SLC38A6: variants seen among roughly 807,000 people sequenced by gnomAD.
The protein encoded by SLC38A6 is N system amino acid transporter NAT-1.
A neutral mutation model predicts 65.0 loss-of-function variants in SLC38A6; 73 were observed. That is an observed-to-expected ratio of 1.12 (90% CI 0.93 to 1.37). The LOEUF (loss-of-function observed/expected upper bound fraction) is 1.37. SLC38A6 is among the 40% of genes most tolerant of loss of function. The pLI, the probability that SLC38A6 is intolerant of heterozygous loss-of-function variation, is 0.00. For missense variants in SLC38A6, 561 were observed against 531.1 expected, an observed-to-expected ratio of 1.06 and a Z score of -0.55; for synonymous variants, 183 against 178.8, an observed-to-expected ratio of 1.02 and a Z score of -0.19.
downstream of SLC38A6, among the ~76,000 whole-genome samples, chr14:61,053,349 T>C (rs1179124835): frequency 6.6e-6 from 1 of 152,110 alleles, no homozygotes; most frequent in Non-Finnish European, 1.5e-5. Flanking sequence ...ACAGTGAACA[T>C]TTACGTGCAT....
chr14:61,034,051 C>G (rs1017699423), intron 6 of SLC38A6: 3 of 152,116 alleles, frequency 2.0e-5, no homozygotes, highest in Non-Finnish European at 4.4e-5. Flanking sequence ...GCCAGATGAT[C>G]TCTAAGGTCT....
chr14:61,014,771 G>C lies in SLC38A6; in HGVS notation c.311-1133G>C, dbSNP rs113276091. On this transcript the variant is annotated intron_variant, in intron 3 of 15. Transcript: ENST00000267488. ...TTTTGTCTCAGAGGAGTACCCGGCC[G>C]TGTGAGGTGTCAGTCTGCCCCTACA... Among the ~76,000 whole-genome samples the C allele has an allele frequency of 5.3e-5, 8 of 152,310 alleles. No individual in the cohort carries two copies. The East Asian group carries it at 1.2e-3, about 22-fold the overall frequency.
At chr14:61,006,886 C>CGGCACTA (rs1274158308) in intron 3 of SLC38A6, among the ~76,000 whole-genome samples, 21 of 151,922 alleles carry the variant, frequency 1.4e-4, no homozygotes, top group African/African-American at 4.4e-4. Context: ...ATGTTTATTG[C>CGGCACTA]GGCACTATTC....
At chr14:61,014,328 A>G (rs1291403213) in intron 3 of SLC38A6, among the ~76,000 whole-genome samples, 1 of 151,944 alleles carries the variant, frequency 6.6e-6, no homozygotes, top group Non-Finnish European at 1.5e-5. Flanking sequence ...CATGGGTTCG[A>G]ACTTCCTCCT....
At chr14:61,019,517 C>G (rs1171667252) in intron 4 of SLC38A6, 24 bp from the exon 5 acceptor site, 1 of 1,610,978 alleles carries the variant, frequency 6.2e-7, no homozygotes, top group African/African-American at 1.3e-5. Flanking sequence ...CTTCTATCTT[C>G]TGAATATTTC....
At chr14:60,995,038 A>C (rs1422909402) in intron 3 of SLC38A6, among the ~76,000 whole-genome samples, 10 of 149,518 alleles carry the variant, frequency 6.7e-5, no homozygotes, top group African/African-American at 2.2e-4. Context: ...AGAAGAAATG[A>C]GGCATCAAGC....
intron 3 of SLC38A6, among the ~76,000 whole-genome samples, chr14:61,013,788 C>G (rs2039771657): frequency 6.6e-6 from 1 of 152,110 alleles, no homozygotes; most frequent in Non-Finnish European, 1.5e-5. Context: ...TTGTGGGTAA[C>G]CCGACTTTCT....
intron 3 of SLC38A6, among the ~76,000 whole-genome samples, chr14:60,999,154 G>A (rs984708117): frequency 6.6e-6 from 1 of 152,192 alleles, no homozygotes; most frequent in South Asian, 2.1e-4. Context: ...TTTTGCTGAA[G>A]CAGTGAGAAG....
chr14:61,076,647 T>C (rs2043430160), intron 15 of SLC38A6, among the ~76,000 whole-genome samples: 1 of 152,240 alleles, frequency 6.6e-6, no homozygotes, highest in Non-Finnish European at 1.5e-5. Flanking sequence ...AGCAGATACA[T>C]AGTCAATATT....
At chr14:61,061,723 G>A (rs930887932) in intron 15 of SLC38A6, among the ~76,000 whole-genome samples, 1 of 152,230 alleles carries the variant, frequency 6.6e-6, no homozygotes, top group Non-Finnish European at 1.5e-5. Context: ...TTGTATGGAT[G>A]TACCACAGTT....
At chr14:61,008,487 G>GAGCC in intron 3 of SLC38A6, among the ~76,000 whole-genome samples, 1 of 152,214 alleles carries the variant, frequency 6.6e-6, no homozygotes, top group East Asian at 1.9e-4. Flanking sequence ...GAGAAATGAT[G>GAGCC]AGCCATATCT....
Position 61,045,328 on chromosome 14 carries a change from C to A in SLC38A6, c.745-18C>A. 6.3e-7 allele frequency: 1 copy of A among 1,586,886 alleles called. No individual in the cohort carries two copies. Among genetic ancestry groups the A allele is most frequent in the Non-Finnish European group, 8.6e-7 (1 of 1,158,814 alleles). The stretch of plus-strand genomic sequence containing the variant: ...AGAGTGGCATTTAATAATTTTGTCT[C>A]TTTAAAATTTTTTTCAGAGTGCTTA... On this transcript the variant is annotated intron_variant, in intron 10 of 15. Coordinates refer to ENST00000267488, the MANE Select transcript of SLC38A6 (RefSeq NM_153811.3).
In SLC38A6 at chr14:61,050,562, G is replaced by A; in HGVS notation, c.976G>A (p.Asp326Asn). The part of the protein sequence containing the change: ...LKGYSKYLSH[D>N]VVVMTVKLCI... ...AGGTTATAGTAAATACTTATCACAT[G>A]ATGTTGTTGTCATGACTGTGAAGTT... The change falls in exon 13 of 16, where the codon GAT becomes AAT. Residue 326 changes from aspartate to asparagine, a missense_variant. Coordinates refer to ENST00000267488, the MANE Select transcript of SLC38A6 (RefSeq NM_153811.3). The A allele has an allele frequency of 6.3e-7, 1 of 1,592,182 alleles. No homozygotes were observed. Among genetic ancestry groups the A allele is most frequent in the African/African-American group, 1.3e-5 (1 of 74,696 alleles).
intron 15 of SLC38A6, among the ~76,000 whole-genome samples, chr14:61,068,055 C>T (rs2043091131): frequency 2.0e-5 from 3 of 152,150 alleles, no homozygotes; most frequent in African/African-American, 4.8e-5. Context: ...ATCTAACCTG[C>T]ATTTCCTCAC....
At chr14:60,999,389 G>C (rs1184545201) in intron 3 of SLC38A6, among the ~76,000 whole-genome samples, 2 of 152,146 alleles carry the variant, frequency 1.3e-5, no homozygotes, top group African/African-American at 4.8e-5. Context: ...AATGGCCTTT[G>C]TGTGCTCCTC....
In SLC38A6 at chr14:60,990,718, G is replaced by A. The variant is rs1307869803; in HGVS notation, c.310+5915G>A. Among the ~76,000 whole-genome samples the A allele has an allele frequency of 2.0e-5, 3 of 151,780 alleles. No individual in the cohort carries two copies. The East Asian group carries it at 5.8e-4, about 30-fold the overall frequency. The stretch of plus-strand genomic sequence containing the variant: ...CGTGAACATAGCTCACTGCAGCCTC[G>A]ACCTCCTGCCTCAGCCTCCCGGGTA... On this transcript the variant is annotated intron_variant, in intron 3 of 15. Coordinates refer to ENST00000267488, the MANE Select transcript of SLC38A6 (RefSeq NM_153811.3).
chr14:60,983,902 A>G (rs548934740), intron 2 of SLC38A6, among the ~76,000 whole-genome samples: 3 of 152,258 alleles, frequency 2.0e-5, no homozygotes, highest in East Asian at 1.9e-4. Context: ...TGGTGATGCT[A>G]AAGTGTTATT....
At chr14:61,067,492 C>T (rs147333671) in intron 15 of SLC38A6, among the ~76,000 whole-genome samples, 296 of 152,158 alleles carry the variant, frequency 1.9e-3, no homozygotes, top group African/African-American at 6.6e-3. Context: ...TATTTTTCCC[C>T]GGAAAAAGTA....
downstream of SLC38A6, among the ~76,000 whole-genome samples, chr14:61,054,996 T>A (rs1197597291): frequency 1.3e-5 from 2 of 151,942 alleles, no homozygotes; most frequent in Non-Finnish European, 2.9e-5. Context: ...TGGCCATGAG[T>A]TTGTCATGGA....
Sources: allele counts gnomAD v4.1 joint callset (sites outside exome capture counted in the v4.1 genomes callset), GRCh38; gene constraint gnomAD v4.1.1; transcripts MANE v1.5; gene names NCBI Gene and HGNC (gene_info 2026-07-23, HGNC 2026-07-21).